Variants in LIMK2 observed in about 807,000 individuals in gnomAD.
The protein encoded by LIMK2 is LIM domain kinase 2.
In LIMK2, 35 loss-of-function variants were observed where a neutral mutation model predicts 75.7. That is an observed-to-expected ratio of 0.46 (90% CI 0.35 to 0.61). The LOEUF (loss-of-function observed/expected upper bound fraction) is 0.61, where lower values mean the gene tolerates loss of function less well. Among genes scored for constraint, LIMK2 ranks in the 20% least tolerant of loss-of-function variants. The probability of loss-of-function intolerance (pLI) is 0.00; values close to 1 mark genes in which losing one functional copy is unlikely to be tolerated. For missense variants in LIMK2, 623 were observed against 831.0 expected (o/e 0.75, Z 3.08); for synonymous variants, 301 against 319.2 (o/e 0.94, Z 0.61).
intron 15 of LIMK2, among the ~76,000 whole-genome samples, chr22:31,276,349 A>G (rs765218913): frequency 1.3e-5 from 2 of 152,068 alleles, no homozygotes; most frequent in Non-Finnish European, 2.9e-5. Context: ...CCCTTAACCA[A>G]TATATCCCTC....
chr22:31,213,817 C>T (rs1362692895), intron 1 of LIMK2, among the ~76,000 whole-genome samples: 1 of 145,334 alleles, frequency 6.9e-6, no homozygotes, highest in Non-Finnish European at 1.5e-5. Flanking sequence ...TTTCCAGTAA[C>T]TTTTTTTTTT....
chr22:31,276,864 C>G (rs1348853609), intron 15 of LIMK2: 26 of 1,612,342 alleles, frequency 1.6e-5, no homozygotes, highest in Non-Finnish European at 2.2e-5. Context: ...AAGGGAAGGT[C>G]ACCATCAAGT....
chr22:31,262,771 AC>A lies in LIMK2; in HGVS notation c.835del (p.Leu279Ter). On this transcript the variant is annotated frameshift_variant, in exon 7 of 16. Coordinates refer to ENST00000331728, the MANE Select transcript of LIMK2 (RefSeq NM_005569.4). LOFTEE classifies it high-confidence loss of function. The surrounding 1 kb of genome is among the most constrained non-coding windows in gnomAD (Gnocchi z 5.0). Reference sequence around the variant, plus strand: ...ACACCAAGGAGAATCTGGAGGGGACACTGAGGAGACGTTCCCTAAGGTGCCA... The same window carrying A: ...ACACCAAGGAGAATCTGGAGGGGACATGAGGAGACGTTCCCTAAGGTGCCA... ...LDTKENLEGT[L>X]RRRSLRRSNS... 6.2e-7 allele frequency: 1 copy of A among 1,610,694 alleles called. No homozygotes were observed. Among genetic ancestry groups the A allele is most frequent in the Non-Finnish European group, 8.5e-7 (1 of 1,178,038 alleles).
intron 2 of LIMK2, chr22:31,248,870 C>G (rs565728243): frequency 1.6e-6 from 2 of 1,280,444 alleles, no homozygotes; most frequent in African/African-American, 2.9e-5. Context: ...CCTTTACCAT[C>G]GGTTCTGCCG....
intron 1 of LIMK2, among the ~76,000 whole-genome samples, chr22:31,213,983 T>A (rs1461707629): frequency 1.3e-5 from 2 of 152,000 alleles, no homozygotes; most frequent in East Asian, 1.9e-4. Flanking sequence ...GCCCGGCTAA[T>A]TTTTTTGGTA....
chr22:31,267,083 A>AG lies in LIMK2; in HGVS notation c.1128+18dup. The AG allele has an allele frequency of 6.5e-7, 1 of 1,535,466 alleles. No homozygotes were observed. The highest frequency in any genetic ancestry group is 9.0e-7 in the Non-Finnish European group (1 of 1,114,170). Reference sequence around the variant, plus strand: ...TTTTCTGACTGAGGTAAGAAGATGGAGGGGGCCCGGGAGGTTGGTGTCACC... The same window carrying AG: ...TTTTCTGACTGAGGTAAGAAGATGGAGGGGGGCCCGGGAGGTTGGTGTCACC... On this transcript the variant is annotated intron_variant, in intron 9 of 15. Coordinates refer to ENST00000331728, the MANE Select transcript of LIMK2 (RefSeq NM_005569.4).
intron 2 of LIMK2, among the ~76,000 whole-genome samples, chr22:31,226,456 A>T (rs953936944): frequency 8.0e-5 from 2 of 25,156 alleles, no homozygotes; most frequent in African/African-American, 6.8e-4. Context: ...ACCCACCTCG[A>T]CCTCCCAAAG....
At chr22:31,254,809 A>G (rs933654313) in intron 2 of LIMK2, among the ~76,000 whole-genome samples, 2 of 152,144 alleles carry the variant, frequency 1.3e-5, no homozygotes, top group Non-Finnish European at 2.9e-5. Flanking sequence ...AAATAGAAAA[A>G]TTAGCCGGGT....
At chr22:31,231,191 G>A (rs1188056614) in intron 2 of LIMK2, among the ~76,000 whole-genome samples, 1 of 152,180 alleles carries the variant, frequency 6.6e-6, no homozygotes, top group African/African-American at 2.4e-5. Context: ...ATGGGGTAAA[G>A]AGCCCTCACC....
chr22:31,227,461 CATT>C (rs1244744453), intron 2 of LIMK2, among the ~76,000 whole-genome samples: 2 of 152,234 alleles, frequency 1.3e-5, no homozygotes, highest in African/African-American at 4.8e-5. Context: ...AAGCAACCAT[CATT>C]ATTATCCTTT....
intron 2 of LIMK2, among the ~76,000 whole-genome samples, chr22:31,235,721 T>C (rs2048567962): frequency 6.6e-6 from 1 of 152,148 alleles, no homozygotes. Flanking sequence ...CAATATAGAG[T>C]GGAAAAAATG....
intron 2 of LIMK2, among the ~76,000 whole-genome samples, chr22:31,234,341 CAAA>C (rs1049235510): frequency 7.1e-6 from 1 of 139,876 alleles, no homozygotes; most frequent in African/African-American, 2.7e-5. Flanking sequence ...AAAAAAAAAA[CAAA>C]AAAAAACTTG....
chr22:31,238,597 G>T (rs151333425), intron 2 of LIMK2, among the ~76,000 whole-genome samples: 523 of 152,264 alleles, frequency 3.4e-3, no homozygotes, highest in Non-Finnish European at 5.6e-3. Flanking sequence ...CATTCACCAA[G>T]AAAACATCAG....
At chr22:31,277,217 G>A (rs1282478890) in intron 15 of LIMK2, 15 of 1,599,492 alleles carry the variant, frequency 9.4e-6, no homozygotes, top group Admixed American at 3.4e-5. Context: ...AGCAATACCG[G>A]GGGACCCTGC....
intron 14 of LIMK2, among the ~76,000 whole-genome samples, chr22:31,273,733 C>T (rs2048982812): frequency 1.3e-5 from 2 of 152,134 alleles, no homozygotes; most frequent in African/African-American, 2.4e-5. Flanking sequence ...AGCCTCACTT[C>T]GTTGCCCAGG....
At chr22:31,243,123 T>C (rs151177732) in intron 2 of LIMK2, among the ~76,000 whole-genome samples, 217 of 152,342 alleles carry the variant, frequency 1.4e-3, no homozygotes, top group African/African-American at 4.7e-3. Flanking sequence ...AGTTTCTCCA[T>C]GTTGGCCAGG....
chr22:31,212,310 C>T lies in LIMK2; in HGVS notation c.-99C>T, dbSNP rs964035738. The T allele has an allele frequency of 1.0e-5, 13 of 1,249,910 alleles. No homozygotes were observed. In the Middle Eastern group the frequency reaches 9.3e-4, roughly 90 times the overall value. 77.4% of individuals were successfully genotyped at this position (1,249,910 alleles called of 1,614,324 possible). On this transcript the variant is annotated 5_prime_UTR_variant, in exon 1 of 16. Coordinates refer to ENST00000331728, the MANE Select transcript of LIMK2 (RefSeq NM_005569.4). ...GCCTGGGGCTGTGGTCTTCCCGCGC[C>T]TGAGGCGGCGGCGGCAGGAGCTGAG...
intron 2 of LIMK2, among the ~76,000 whole-genome samples, chr22:31,229,761 C>T (rs573679892): frequency 2.6e-5 from 4 of 152,292 alleles, no homozygotes; most frequent in Admixed American, 2.0e-4. Flanking sequence ...CTTACATTAC[C>T]CCATTCTTCT....
intron 1 of LIMK2, among the ~76,000 whole-genome samples, chr22:31,212,656 G>A (rs1478368699): frequency 6.6e-6 from 1 of 152,136 alleles, no homozygotes; most frequent in Non-Finnish European, 1.5e-5. Context: ...GCTCCGAGGG[G>A]CAGGCGGGTT....
Sources: gnomAD v4.1 joint callset for allele counts (sites outside exome capture counted in the v4.1 genomes callset) on GRCh38, gnomAD v4.1.1 for gene constraint, Gnocchi (gnomAD v3.1) non-coding constraint, MANE v1.5 for transcripts, NCBI Gene and HGNC (gene_info 2026-07-23, HGNC 2026-07-21) for gene names.